The following DSTYK variants were observed in gnomAD, a reference collection of about 807,000 sequenced individuals.
DSTYK encodes the protein RIP-homologous kinase.
Under a neutral mutation model 98.7 loss-of-function variants are expected in DSTYK, and 34 were observed. The ratio of observed to expected loss-of-function variants is 0.34; its 90% CI spans 0.26 to 0.46. The LOEUF (loss-of-function observed/expected upper bound fraction) is 0.46. Among genes scored for constraint, DSTYK ranks in the 20% least tolerant of loss-of-function variants. The pLI is 1.00. For synonymous variants in DSTYK, 462 were observed against 457.3 expected (o/e 1.01, Z -0.13); for missense variants, 962 against 1,181.7 (o/e 0.81, Z 2.73).
chr1:205,173,486 TA>T (rs1267875793), intron 2 of DSTYK: 1 of 151,486 alleles, frequency 6.6e-6, no homozygotes. Flanking sequence ...AAAGCTGCCC[TA>T]AAGACATATT....
intron 5 of DSTYK, among the ~76,000 whole-genome samples, 188 bp downstream of exon 5, chr1:205,162,735 C>A (rs1657770249): frequency 6.6e-6 from 1 of 152,074 alleles, no homozygotes; most frequent in Non-Finnish European, 1.5e-5. Context: ...TCTGAGAGTT[C>A]AAGGGAACAA....
intron 10 of DSTYK, among the ~76,000 whole-genome samples, chr1:205,154,633 T>C (rs1484264352): frequency 6.6e-6 from 1 of 152,184 alleles, no homozygotes; most frequent in East Asian, 1.9e-4. Flanking sequence ...AAGAGTAGGC[T>C]GCTGCTGTAA....
chr1:205,196,196 G>A (rs1190299961), intron 1 of DSTYK, among the ~76,000 whole-genome samples: 1 of 152,116 alleles, frequency 6.6e-6, no homozygotes, highest in Non-Finnish European at 1.5e-5. Context: ...AAATAAACAA[G>A]AGAAAAGGAA....
intron 10 of DSTYK, among the ~76,000 whole-genome samples, chr1:205,153,648 A>G (rs1337154093): frequency 4.6e-5 from 7 of 152,146 alleles, no homozygotes; most frequent in African/African-American, 1.7e-4. Context: ...TATGTAGAAC[A>G]ATGTCCTTTT....
chr1:205,202,453 G>A (rs1000247310), intron 1 of DSTYK: 10 of 783,378 alleles, frequency 1.3e-5, no homozygotes, highest in Non-Finnish European at 2.3e-5. Flanking sequence ...AAAGCTTGCT[G>A]AATTTTTGCT....
chr1:205,164,058 T>C, intron 3 of DSTYK, 103 bp from the exon 4 acceptor site: 3 of 935,178 alleles, frequency 3.2e-6, no homozygotes, highest in Non-Finnish European at 5.0e-6. Flanking sequence ...ACCGTGATGA[T>C]GATGGCTGCA....
rs937462207 is a variant in DSTYK, at chr1:205,150,021, T to C, written c.2467+659A>G. Among the ~76,000 whole-genome samples, 1 of 152,216 alleles carries C rather than the reference T, an allele frequency of 6.6e-6. No individual in the cohort carries two copies. The highest frequency in any genetic ancestry group is 1.5e-5 in the Non-Finnish European group (1 of 68,040). On this transcript the variant is annotated intron_variant, in intron 11 of 12. Transcript: ENST00000367162. This position sits in a 1 kb window ranked among gnomAD's most constrained non-coding sequence, Gnocchi z 4.1. ...TTTTGGGAGTAGGTTTCTTCATCAA[T>C]CTGGTCTCAATTTTATCCATTGAAT...
At chr1:205,171,910 C>T (rs1658075486) in intron 2 of DSTYK, among the ~76,000 whole-genome samples, 2 of 152,144 alleles carry the variant, frequency 1.3e-5, no homozygotes, top group Non-Finnish European at 2.9e-5. Context: ...TCGTTTCTTT[C>T]AGATGATTAT....
rs554259671 is a variant in DSTYK, at chr1:205,177,848, CAG to C, written c.655-8018_655-8017del. ...TGCCACTGCGCTCCAGCCTGGGAGA[CAG>C]AGCGAGACTTCATCTCAAAAAAAAA... On this transcript the variant is annotated intron_variant, in intron 2 of 12. Transcript: ENST00000367162. Among the ~76,000 whole-genome samples the C allele has an allele frequency of 9.8e-4, 147 of 149,814 alleles. 2 individuals are homozygous for C. The highest frequency in any genetic ancestry group is 3.4e-3 in the African/African-American group (139 of 40,602).
chr1:205,211,241 C>A, intron 1 of DSTYK, 30 bp downstream of exon 1: 2 of 1,572,796 alleles, frequency 1.3e-6, no homozygotes, highest in Non-Finnish European at 1.7e-6. Context: ...GCCTCTCCTG[C>A]CCTCTCTCCC....
At chr1:205,158,747 C>A (rs1657629899) in intron 9 of DSTYK, among the ~76,000 whole-genome samples, 1 of 152,170 alleles carries the variant, frequency 6.6e-6, no homozygotes, top group Non-Finnish European at 1.5e-5. Context: ...TTCTACCCAT[C>A]ATGGTATATT....
At chr1:205,199,901 A>T (rs1210607118) in intron 1 of DSTYK, among the ~76,000 whole-genome samples, 2 of 152,232 alleles carry the variant, frequency 1.3e-5, no homozygotes, top group South Asian at 2.1e-4. Flanking sequence ...GACAGAAATG[A>T]AAGAAGCTCT....
intron 1 of DSTYK, among the ~76,000 whole-genome samples, chr1:205,196,189 T>C (rs1658860302): frequency 6.6e-6 from 1 of 152,144 alleles, no homozygotes; most frequent in Non-Finnish European, 1.5e-5. Context: ...ACTGATTAAA[T>C]AAACAAGAGA....
chr1:205,192,552 G>A (rs1658742687), intron 1 of DSTYK, among the ~76,000 whole-genome samples: 1 of 151,810 alleles, frequency 6.6e-6, no homozygotes, highest in African/African-American at 2.4e-5. Context: ...ATAAAGATGA[G>A]GAAATGGATG....
At chr1:205,183,172 G>T (rs1182854309) in intron 2 of DSTYK, among the ~76,000 whole-genome samples, 2 of 151,790 alleles carry the variant, frequency 1.3e-5, no homozygotes, top group Non-Finnish European at 2.9e-5. Flanking sequence ...GAAAGAAAAA[G>T]AAAAGGAGGT....
chr1:205,179,021 T>C (rs188313769), intron 2 of DSTYK, among the ~76,000 whole-genome samples: 1 of 151,962 alleles, frequency 6.6e-6, no homozygotes, highest in Non-Finnish European at 1.5e-5. Context: ...TCCCAGGCAC[T>C]CAGGGGCTGA....
intron 2 of DSTYK, among the ~76,000 whole-genome samples, chr1:205,173,758 G>T (rs1223431708): frequency 6.6e-6 from 1 of 150,810 alleles, no homozygotes; most frequent in African/African-American, 2.4e-5. Flanking sequence ...TCGCTCTGTC[G>T]CCCAGGCTGG....
At chr1:205,182,417 A>G (rs934032623) in intron 2 of DSTYK, among the ~76,000 whole-genome samples, 1 of 151,428 alleles carries the variant, frequency 6.6e-6, no homozygotes, top group Non-Finnish European at 1.5e-5. Flanking sequence ...AAACAAACCA[A>G]AACAAAAAAA....
chr1:205,178,418 G>C (rs911013268), intron 2 of DSTYK, among the ~76,000 whole-genome samples: 3 of 151,914 alleles, frequency 2.0e-5, no homozygotes, highest in Non-Finnish European at 2.9e-5. Flanking sequence ...TTATTCTCTT[G>C]CCACTTACTA....
Sources: allele counts gnomAD v4.1 joint callset (sites outside exome capture counted in the v4.1 genomes callset), GRCh38; gene constraint gnomAD v4.1.1; non-coding constraint Gnocchi (gnomAD v3.1); transcripts MANE v1.5; gene names NCBI Gene and HGNC (gene_info 2026-07-23, HGNC 2026-07-21).